CDC73: variants seen among roughly 807,000 people sequenced by gnomAD.
The protein encoded by CDC73 is parafibromin.
A neutral mutation model predicts 83.7 loss-of-function variants in CDC73; 21 were observed. The observed-to-expected ratio is 0.25, with a 90% CI of 0.18 to 0.36. The LOEUF (loss-of-function observed/expected upper bound fraction) is 0.36, where lower values mean the gene tolerates loss of function less well. CDC73 is among the 10% of genes least tolerant of loss of function. CDC73 has a pLI of 1.00. For synonymous variants in CDC73, 224 were observed against 212.9 expected (o/e 1.05, Z -0.45); for missense variants, 342 against 653.3 (o/e 0.52, Z 5.19).
chr1:193,146,128 G>C (rs1489901725), intron 7 of CDC73, among the ~76,000 whole-genome samples: 1 of 152,160 alleles, frequency 6.6e-6, no homozygotes, highest in African/African-American at 2.4e-5. Context: ...TGTTGTATTT[G>C]AGGTTCATGA....
intron 13 of CDC73, among the ~76,000 whole-genome samples, chr1:193,213,134 T>G (rs573346529): frequency 2.0e-5 from 3 of 152,334 alleles, no homozygotes; most frequent in Admixed American, 6.5e-5. Flanking sequence ...ATTTCTTCTA[T>G]TAATGAATAT....
chr1:193,202,561 A>G (rs985857940), intron 10 of CDC73, among the ~76,000 whole-genome samples: 12 of 151,386 alleles, frequency 7.9e-5, no homozygotes, highest in African/African-American at 2.9e-4. Context: ...TAATAACTAA[A>G]TGCGCAATAG....
At chr1:193,217,885 G>GT (rs1314715476) in intron 13 of CDC73, among the ~76,000 whole-genome samples, 7 of 152,004 alleles carry the variant, frequency 4.6e-5, no homozygotes, top group Non-Finnish European at 7.4e-5. Context: ...CAGTACTCCT[G>GT]TATCAGTACT....
chr1:193,210,976 A>G (rs1232430604), intron 11 of CDC73, among the ~76,000 whole-genome samples: 3 of 152,222 alleles, frequency 2.0e-5, no homozygotes, highest in South Asian at 4.1e-4. Flanking sequence ...CACTTCGCAC[A>G]GTAGTATTTG....
chr1:193,230,171 CAG>C (rs1483261079), intron 13 of CDC73, among the ~76,000 whole-genome samples: 1 of 144,262 alleles, frequency 6.9e-6, no homozygotes, highest in East Asian at 2.0e-4. Flanking sequence ...TCTCCTGAGG[CAG>C]AGTCTCACTC....
chr1:193,220,492 C>CAT (rs947866267), intron 13 of CDC73, among the ~76,000 whole-genome samples: 1 of 152,026 alleles, frequency 6.6e-6, no homozygotes, highest in African/African-American at 2.4e-5. Flanking sequence ...CTAAAAAAAC[C>CAT]ATACTGCTTT....
intron 13 of CDC73, among the ~76,000 whole-genome samples, chr1:193,231,507 T>C (rs565346697): frequency 4.4e-4 from 67 of 152,304 alleles, no homozygotes; most frequent in Admixed American, 1.2e-3. Flanking sequence ...TGCACACATA[T>C]TAAATTTTCT....
intron 13 of CDC73, among the ~76,000 whole-genome samples, chr1:193,224,658 C>CACATATATGAAATATGCATTCATATATGT (rs1467659786): frequency 1.3e-5 from 2 of 151,978 alleles, no homozygotes; most frequent in African/African-American, 2.4e-5. Flanking sequence ...TTCGCATATA[C>CACATATATGAAATATGCATTCATATATGT]ACATATATGA....
At chr1:193,193,144 A>G (rs544836223) in intron 10 of CDC73, among the ~76,000 whole-genome samples, 1 of 152,330 alleles carries the variant, frequency 6.6e-6, no homozygotes, top group African/African-American at 2.4e-5. Flanking sequence ...ATTACAGACC[A>G]AGAGATAATG....
intron 10 of CDC73, among the ~76,000 whole-genome samples, chr1:193,201,860 C>T (rs1677097484): frequency 6.6e-6 from 1 of 151,720 alleles, no homozygotes; most frequent in Non-Finnish European, 1.5e-5. Flanking sequence ...GGATCACTTT[C>T]GGTTTGTGTA....
intron 10 of CDC73, chr1:193,179,692 A>G (rs1676677809): frequency 6.6e-6 from 1 of 152,602 alleles, no homozygotes; most frequent in African/African-American, 2.4e-5. Flanking sequence ...TATTAATAAA[A>G]GAAATTTAAA....
chr1:193,157,085 G>A (rs891644050), intron 10 of CDC73, among the ~76,000 whole-genome samples: 24 of 152,168 alleles, frequency 1.6e-4, no homozygotes, highest in African/African-American at 5.3e-4. Flanking sequence ...AAGATCAGAA[G>A]TTTATGTAGG....
chr1:193,150,347 A>G lies in CDC73; in HGVS notation c.872A>G (p.Asn291Ser), dbSNP rs2103132204. 1.2e-6 allele frequency: 2 copies of G among 1,613,344 alleles called. No individual in the cohort carries two copies. Among genetic ancestry groups the G allele is most frequent in the Non-Finnish European group, 1.7e-6 (2 of 1,179,296 alleles). ...AAACAGCCTATCCCAGCTGCCTATA[A>G]CAGATACGATCAGGAAAGATTCAAA... Reference protein sequence around the residue: ...RTKQPIPAAYNRYDQERFKGK... With the variant: ...RTKQPIPAAYSRYDQERFKGK... Residue 291 changes from asparagine (N) to serine (S), a missense_variant, in exon 9 of 17, where the codon AAC becomes AGC. By Grantham distance (46) the Asn-to-Ser change is conservative (BLOSUM62 1). This residue lies in a region of CDC73 where 239 missense variants were observed against 420.6 expected (regional missense o/e 0.57). Transcript: ENST00000367435.
rs151101491 is a variant in CDC73 at position 193,208,712 on chromosome 1, C to T, written c.1031-3353C>T. ...ACTTAATATTGCTTAAAAAGCCCTA[C>T]ATGAATTGGTCTCTGCATATATTTG... On this transcript the variant is annotated intron_variant, in intron 11 of 16. Coordinates refer to ENST00000367435, the MANE Select transcript of CDC73 (RefSeq NM_024529.5). Among the ~76,000 whole-genome samples, 374 of 152,222 alleles carry T rather than the reference C, an allele frequency of 2.5e-3. 1 individual carries two copies. The highest frequency in any genetic ancestry group is 8.2e-3 in the African/African-American group (339 of 41,550).
intron 10 of CDC73, among the ~76,000 whole-genome samples, chr1:193,190,519 A>G (rs534985195): frequency 5.3e-5 from 8 of 152,358 alleles, no homozygotes; most frequent in African/African-American, 1.9e-4. Context: ...AATTAGCCTG[A>G]TTGCAAATAA....
rs750182992 is a variant in CDC73 at position 193,135,345 on chromosome 1, A to G, written c.308-46A>G. ...TTTCACTTGTAATAATATCCAATAT[A>G]TATGTTGAAATAGTAATCCTTACGT... On this transcript the variant is annotated intron_variant, in intron 3 of 16. Coordinates refer to ENST00000367435, the MANE Select transcript of CDC73 (RefSeq NM_024529.5). 3.6e-6 allele frequency: 5 copies of G among 1,382,986 alleles called. No homozygotes were observed. The South Asian group carries it at 4.6e-5, about 13-fold the overall frequency. 85.7% of individuals were successfully genotyped at this position (1,382,986 alleles called of 1,614,324 possible). A position where few individuals can be genotyped will look rare whatever the true frequency, so the allele number is the denominator to read the frequency against.
intron 9 of CDC73, among the ~76,000 whole-genome samples, chr1:193,150,597 T>C (rs1007440397): frequency 6.6e-6 from 1 of 152,180 alleles, no homozygotes; most frequent in Non-Finnish European, 1.5e-5. Context: ...GTGACATCAG[T>C]ATTGAATTGT....
At chr1:193,155,321 G>C (rs1050589413) in intron 10 of CDC73, among the ~76,000 whole-genome samples, 1 of 152,298 alleles carries the variant, frequency 6.6e-6, no homozygotes, top group East Asian at 1.9e-4. Context: ...TTACAAGTTT[G>C]TATAGTTGGG....
chr1:193,122,983 T>A (rs1301496041), intron 1 of CDC73, among the ~76,000 whole-genome samples: 1 of 152,156 alleles, frequency 6.6e-6, no homozygotes, highest in Non-Finnish European at 1.5e-5. Flanking sequence ...CGGAAGTGTA[T>A]TTTAAAGGGA....
Sources: allele counts gnomAD v4.1 joint callset (sites outside exome capture counted in the v4.1 genomes callset), GRCh38; gene constraint gnomAD v4.1.1; regional missense constraint gnomAD v4.1.1; transcripts MANE v1.5; gene names NCBI Gene and HGNC (gene_info 2026-07-23, HGNC 2026-07-21).